Variants in IL1RAPL2 observed in about 807,000 individuals in gnomAD.
IL1RAPL2 encodes the protein X-linked interleukin-1 receptor accessory protein-like 2.
A neutral mutation model predicts 44.1 loss-of-function variants in IL1RAPL2; 3 were observed. The ratio of observed to expected loss-of-function variants is 0.07; its 90% CI spans 0.03 to 0.18. IL1RAPL2 has a LOEUF of 0.18. Ranked by LOEUF, IL1RAPL2 falls within the 10% of genes least tolerant of loss-of-function variation. The pLI, the probability that IL1RAPL2 is intolerant of heterozygous loss-of-function variation, is 1.00. For synonymous variants in IL1RAPL2, 181 were observed against 178.8 expected (o/e 1.01, Z -0.10); for missense variants, 391 against 496.4 (o/e 0.79, Z 2.02).
intron 2 of IL1RAPL2, among the ~76,000 whole-genome samples, chrX:105,029,332 T>A (rs1192030115): frequency 9.5e-5 from 10 of 105,587 alleles, no homozygotes; most frequent in Non-Finnish European, 1.8e-4. Context: ...ACATGTGCCA[T>A]GTTGGTGTGC....
intron 6 of IL1RAPL2, among the ~76,000 whole-genome samples, chrX:105,678,045 G>A (rs1164694140): frequency 9.0e-6 from 1 of 111,661 alleles, no homozygotes; most frequent in South Asian, 3.7e-4. Context: ...GTATGGTTAC[G>A]TTATCCTGTG....
intron 2 of IL1RAPL2, among the ~76,000 whole-genome samples, chrX:104,676,505 C>T (rs1043366346): frequency 1.5e-4 from 17 of 111,528 alleles, no homozygotes; most frequent in Admixed American, 1.2e-3. Context: ...GTGGGCAACC[C>T]GACCTTTCTC....
At chrX:104,634,163 T>A (rs1238759272) in intron 1 of IL1RAPL2, among the ~76,000 whole-genome samples, 1 of 111,443 alleles carries the variant, frequency 9.0e-6, no homozygotes, top group African/African-American at 3.3e-5. Context: ...TTTGAGTGAG[T>A]TTCTTAATCC....
intron 5 of IL1RAPL2, among the ~76,000 whole-genome samples, chrX:105,433,440 C>T (rs1004542568): frequency 8.1e-5 from 9 of 110,961 alleles, no homozygotes; most frequent in Non-Finnish European, 1.5e-4. Flanking sequence ...ATAGCTATGT[C>T]CTCTAATATT....
intron 2 of IL1RAPL2, among the ~76,000 whole-genome samples, chrX:104,928,541 A>C (rs184966200): frequency 9.0e-6 from 1 of 111,447 alleles, no homozygotes; most frequent in African/African-American, 3.3e-5. Flanking sequence ...AAATTAGCCC[A>C]AAAAAATTGT....
intron 6 of IL1RAPL2, among the ~76,000 whole-genome samples, chrX:105,691,286 A>G (rs1463455869): frequency 9.0e-6 from 1 of 111,659 alleles, no homozygotes; most frequent in African/African-American, 3.2e-5. Flanking sequence ...TCAGAAGTAT[A>G]TAACTCATTG....
intron 5 of IL1RAPL2, among the ~76,000 whole-genome samples, chrX:105,364,552 G>C (rs746896257): frequency 9.2e-5 from 10 of 108,784 alleles, no homozygotes; most frequent in Non-Finnish European, 1.5e-4. Flanking sequence ...ATCTGTACAG[G>C]GTATATTTTT....
chrX:104,772,315 A>G (rs995110751), intron 2 of IL1RAPL2, among the ~76,000 whole-genome samples: 1 of 112,334 alleles, frequency 8.9e-6, no homozygotes, highest in African/African-American at 3.2e-5. Context: ...TGGCAAAAAT[A>G]CAATTTACTA....
chrX:104,706,828 T>G (rs947506754), intron 2 of IL1RAPL2, among the ~76,000 whole-genome samples: 2 of 111,759 alleles, frequency 1.8e-5, no homozygotes, highest in Non-Finnish European at 3.8e-5. Flanking sequence ...GGAATTGAAC[T>G]ACCTCTATTT....
chrX:105,048,944 G>A (rs193280647), intron 2 of IL1RAPL2, among the ~76,000 whole-genome samples: 1 of 111,912 alleles, frequency 8.9e-6, no homozygotes, highest in Non-Finnish European at 1.9e-5. Flanking sequence ...CTGAAAATTA[G>A]AGAACAATGT....
intron 5 of IL1RAPL2, among the ~76,000 whole-genome samples, chrX:105,293,932 TTAAC>T (rs1037293943): frequency 8.9e-6 from 1 of 112,293 alleles, no homozygotes; most frequent in Non-Finnish European, 1.9e-5. Context: ...GTAATATGAT[TTAAC>T]TAAAAGCAGA....
At chrX:105,437,024 C>T (rs938441440) in intron 5 of IL1RAPL2, among the ~76,000 whole-genome samples, 8 of 82,310 alleles carry the variant, frequency 9.7e-5, no homozygotes, top group African/African-American at 2.4e-4. Flanking sequence ...AAAATATAAA[C>T]GTATATATAT....
Position 104,903,287 on chromosome X carries a change from A to G in IL1RAPL2, c.82+244292A>G, listed in dbSNP as rs769533867. Among the ~76,000 whole-genome samples the G allele has an allele frequency of 2.7e-5, 3 of 112,266 alleles. No homozygotes were observed. The South Asian group carries it at 1.1e-3, about 42-fold the overall frequency. On this transcript the variant is annotated intron_variant, in intron 2 of 10. Coordinates refer to ENST00000372582, the MANE Select transcript of IL1RAPL2 (RefSeq NM_017416.2). ...AGCAAATGCATTAAGTTATCATTTT[A>G]TATATGTTGGTCAGATATTATTCTC...
intron 7 of IL1RAPL2, among the ~76,000 whole-genome samples, chrX:105,727,798 A>G (rs775662675): frequency 1.8e-5 from 2 of 111,992 alleles, no homozygotes; most frequent in Admixed American, 9.5e-5. Context: ...CCAGGCATAT[A>G]TAACTTTTAA....
chrX:104,614,091 T>C (rs770147243), intron 1 of IL1RAPL2, among the ~76,000 whole-genome samples: 10 of 111,556 alleles, frequency 9.0e-5, no homozygotes, highest in Non-Finnish European at 1.9e-4. Context: ...TTTTTTCCTT[T>C]GCTAATCTAG....
chrX:104,674,946 C>A (rs1223831417), intron 2 of IL1RAPL2, among the ~76,000 whole-genome samples: 2 of 111,135 alleles, frequency 1.8e-5, no homozygotes, highest in South Asian at 7.7e-4. Flanking sequence ...GTGGTGATAT[C>A]CCCTTTATAA....
At chrX:105,638,450 T>A (rs1009778028) in intron 6 of IL1RAPL2, among the ~76,000 whole-genome samples, 1 of 110,848 alleles carries the variant, frequency 9.0e-6, no homozygotes, top group Non-Finnish European at 1.9e-5. Flanking sequence ...AAAAATTATA[T>A]GATTTTACTC....
At chrX:105,116,427 A>T (rs1260936422) in intron 2 of IL1RAPL2, among the ~76,000 whole-genome samples, 2 of 112,857 alleles carry the variant, frequency 1.8e-5, no homozygotes, top group Non-Finnish European at 3.7e-5. Context: ...AACTATTATC[A>T]TTATCATGAT....
intron 2 of IL1RAPL2, among the ~76,000 whole-genome samples, chrX:104,855,028 G>A (rs1346363511): frequency 4.5e-5 from 5 of 112,093 alleles, no homozygotes; most frequent in African/African-American, 1.6e-4. Context: ...CATCTTTCTA[G>A]AAGAGCCAAA....
Sources: gnomAD v4.1 joint callset for allele counts (sites outside exome capture counted in the v4.1 genomes callset) on GRCh38, gnomAD v4.1.1 for gene constraint, MANE v1.5 for transcripts, NCBI Gene and HGNC (gene_info 2026-07-23, HGNC 2026-07-21) for gene names.